MBNL1: variants seen among roughly 807,000 people sequenced by gnomAD.
MBNL1 encodes the protein muscleblind like splicing regulator 1.
A neutral mutation model predicts 42.2 loss-of-function variants in MBNL1; 8 were observed. The observed-to-expected ratio is 0.19, with a 90% CI of 0.11 to 0.34. MBNL1 has a LOEUF of 0.34. MBNL1 is among the 10% of genes least tolerant of loss of function. The pLI, the probability that MBNL1 is intolerant of heterozygous loss-of-function variation, is 1.00. For synonymous variants in MBNL1, 169 were observed against 173.9 expected (o/e 0.97, Z 0.22); for missense variants, 309 against 495.3 (o/e 0.62, Z 3.57).
intron 2 of MBNL1, among the ~76,000 whole-genome samples, chr3:152,335,900 T>G (rs1044858048): frequency 6.6e-6 from 1 of 152,172 alleles, no homozygotes; most frequent in Non-Finnish European, 1.5e-5. Context: ...CTTGTTTAAC[T>G]TCAACTTTTA....
intron 2 of MBNL1, among the ~76,000 whole-genome samples, chr3:152,400,660 G>T (rs755333250): frequency 5.3e-5 from 8 of 152,134 alleles, no homozygotes; most frequent in Non-Finnish European, 1.2e-4. Flanking sequence ...TGCAGGTGTT[G>T]CTGGTCTTGA....
chr3:152,385,587 A>G (rs973958553), intron 2 of MBNL1, among the ~76,000 whole-genome samples: 1 of 152,054 alleles, frequency 6.6e-6, no homozygotes, highest in Non-Finnish European at 1.5e-5. Context: ...CCCTCAACTG[A>G]TAAAGGAATA....
At chr3:152,272,286 C>T (rs2042367057) in intron 1 of MBNL1, among the ~76,000 whole-genome samples, 1 of 152,106 alleles carries the variant, frequency 6.6e-6, no homozygotes, top group African/African-American at 2.4e-5. Flanking sequence ...CACCTAACAT[C>T]TATTTTTATT....
At chr3:152,336,838 AC>A (rs1047057266) in intron 2 of MBNL1, among the ~76,000 whole-genome samples, 73 of 152,348 alleles carry the variant, frequency 4.8e-4, no homozygotes, top group African/African-American at 1.8e-3. Flanking sequence ...GACTACTGTT[AC>A]TATTTTAGTT....
intron 2 of MBNL1, among the ~76,000 whole-genome samples, chr3:152,407,451 C>T (rs934833359): frequency 6.6e-6 from 1 of 151,792 alleles, no homozygotes; most frequent in African/African-American, 2.4e-5. Context: ...TTTTCACCTT[C>T]TGTGGGGATG....
rs193075967 is a variant in MBNL1 at position 152,278,035 on chromosome 3, G to T, written c.-790+8943G>T. On this transcript the variant is annotated intron_variant, in intron 1 of 9. Transcript: ENST00000324210. ...ATTATTAGACTTTTTTTCCTATCTA[G>T]TTTTTGCCTTGTGCTATACAGTATG... Among the ~76,000 whole-genome samples, 7 of 151,856 alleles carry T rather than the reference G, an allele frequency of 4.6e-5. No homozygotes were observed. The East Asian group carries it at 9.7e-4, about 21-fold the overall frequency.
intron 1 of MBNL1, among the ~76,000 whole-genome samples, chr3:152,288,314 T>A (rs1413758948): frequency 6.6e-6 from 1 of 152,194 alleles, no homozygotes; most frequent in Non-Finnish European, 1.5e-5. Context: ...GTTATTTTAA[T>A]TAGAAGTGCA....
intron 2 of MBNL1, among the ~76,000 whole-genome samples, chr3:152,325,920 G>A (rs749649774): frequency 6.6e-6 from 1 of 151,716 alleles, no homozygotes; most frequent in Non-Finnish European, 1.5e-5. Context: ...CTATCAGTCA[G>A]CATTTTGTAT....
At chr3:152,454,202 C>T (rs1729158470) in intron 6 of MBNL1, among the ~76,000 whole-genome samples, 1 of 152,130 alleles carries the variant, frequency 6.6e-6, no homozygotes, top group African/African-American at 2.4e-5. Context: ...GGATGTGTCC[C>T]CAGATACATT....
chr3:152,406,311 A>C (rs1249800716), intron 2 of MBNL1, among the ~76,000 whole-genome samples: 2 of 152,200 alleles, frequency 1.3e-5, no homozygotes, highest in African/African-American at 2.4e-5. Flanking sequence ...CATCACAAGC[A>C]ACTCTAAATA....
chr3:152,405,276 C>T (rs1450954291), intron 2 of MBNL1, among the ~76,000 whole-genome samples: 1 of 152,110 alleles, frequency 6.6e-6, no homozygotes, highest in African/African-American at 2.4e-5. Flanking sequence ...TTAGGAGCAC[C>T]TAGTTTGTAG....
intron 6 of MBNL1, among the ~76,000 whole-genome samples, 179 bp from the exon 7 acceptor site, chr3:152,455,363 T>C (rs1431338200): frequency 3.3e-5 from 5 of 152,226 alleles, no homozygotes; most frequent in Non-Finnish European, 5.9e-5. Context: ...TGAGACTAGT[T>C]CTAATTGATC....
chr3:152,400,034 G>A (rs954052660), intron 2 of MBNL1, among the ~76,000 whole-genome samples: 2 of 152,020 alleles, frequency 1.3e-5, no homozygotes, highest in Non-Finnish European at 2.9e-5. Flanking sequence ...TAACATTGTC[G>A]GGACCTTACA....
rs551082839 is a variant in MBNL1, at chr3:152,429,976, A to G, written c.346-2741A>G. On this transcript the variant is annotated intron_variant, in intron 3 of 9. Transcript: ENST00000324210. Reference sequence around the variant, plus strand: ...TTCACATTTTTAAACGCTCCTACCGACTTTACTTGGGGACAGTGCCCTAAA... The same window carrying G: ...TTCACATTTTTAAACGCTCCTACCGGCTTTACTTGGGGACAGTGCCCTAAA... Among the ~76,000 whole-genome samples the G allele has an allele frequency of 1.6e-4, 25 of 152,306 alleles. 1 individual carries two copies. In the South Asian group the frequency reaches 5.0e-3, roughly 30 times the overall value.
At chr3:152,310,168 C>T (rs1270345925) in intron 2 of MBNL1, among the ~76,000 whole-genome samples, 1 of 152,174 alleles carries the variant, frequency 6.6e-6, no homozygotes, top group Non-Finnish European at 1.5e-5. Flanking sequence ...AGAATGAGTA[C>T]ACCACTAATT....
At chr3:152,425,413 C>G (rs1186631007) in intron 3 of MBNL1, among the ~76,000 whole-genome samples, 1 of 151,940 alleles carries the variant, frequency 6.6e-6, no homozygotes, top group Admixed American at 6.6e-5. Context: ...TCAAGACCAT[C>G]CTGGTTAACA....
intron 2 of MBNL1, chr3:152,340,795 T>C: frequency 6.2e-7 from 1 of 1,614,040 alleles, no homozygotes; most frequent in Non-Finnish European, 8.5e-7. Flanking sequence ...AGAAGGGGAC[T>C]GGACAGAACC....
At position 152,445,319 on chromosome 3, in the gene MBNL1, G is replaced by T; in HGVS notation, c.587G>T (p.Gly196Val). 1 of 1,614,062 alleles carries T rather than the reference G, an allele frequency of 6.2e-7. No individual in the cohort carries two copies. Among genetic ancestry groups the T allele is most frequent in the Non-Finnish European group, 8.5e-7 (1 of 1,179,954 alleles). Reference sequence around the variant, plus strand: ...TACCAACGTGGCAATTGCAACCGAGGAGAAAATGATTGTCGGTTTGCTCAT... The same window carrying T: ...TACCAACGTGGCAATTGCAACCGAGTAGAAAATGATTGTCGGTTTGCTCAT... Reference protein sequence around the residue: ...REYQRGNCNRGENDCRFAHPA... With the variant: ...REYQRGNCNRVENDCRFAHPA... The change falls in exon 5 of 10, where the codon GGA (glycine) becomes GTA (valine). Residue 196 changes from glycine to valine, a missense_variant. By Grantham distance (109) the Gly-to-Val change is moderately radical. Transcript: ENST00000324210.
chr3:152,335,935 C>T (rs151200540), intron 2 of MBNL1, among the ~76,000 whole-genome samples: 108 of 152,228 alleles, frequency 7.1e-4, no homozygotes, highest in Admixed American at 3.2e-3. Flanking sequence ...CCAACCCCCT[C>T]TCCTCAACTC....
Sources: allele counts gnomAD v4.1 joint callset (sites outside exome capture counted in the v4.1 genomes callset), GRCh38; gene constraint gnomAD v4.1.1; transcripts MANE v1.5; gene names NCBI Gene and HGNC (gene_info 2026-07-23, HGNC 2026-07-21).